The following TRMO variants were observed in gnomAD, a reference collection of about 807,000 sequenced individuals.
The protein encoded by TRMO is tRNA (adenine(37)-N6)-methyltransferase.
In TRMO, 30 loss-of-function variants were observed where a neutral mutation model predicts 37.2. The observed-to-expected ratio is 0.81, with a 90% confidence interval of 0.60 to 1.09. The LOEUF is 1.09. TRMO is among the 50% of genes least tolerant of loss of function. The pLI is 0.00. For missense variants in TRMO, 552 were observed against 549.5 expected (o/e 1.00, Z -0.05); for synonymous variants, 239 against 199.4 (o/e 1.20, Z -1.67).
At chr9:97,915,137 T>C (rs1162898226) in intron 2 of TRMO, among the ~76,000 whole-genome samples, 1 of 152,238 alleles carries the variant, frequency 6.6e-6, no homozygotes, top group African/African-American at 2.4e-5. Flanking sequence ...CGATTCAGAC[T>C]GCTGATGCTG....
chr9:97,917,712 T>G (rs1400795627), intron 1 of TRMO, among the ~76,000 whole-genome samples: 1 of 152,186 alleles, frequency 6.6e-6, no homozygotes, highest in African/African-American at 2.4e-5. Flanking sequence ...AGAGTCTTGC[T>G]CTGTTGCCCA....
chr9:97,922,158 C>T (rs942930820), intron 1 of TRMO, among the ~76,000 whole-genome samples: 3 of 152,178 alleles, frequency 2.0e-5, no homozygotes, highest in African/African-American at 7.2e-5. Flanking sequence ...CTACGCTGCA[C>T]GTAGCTGCTC....
chr9:97,909,616 A>G (rs922019039), intron 4 of TRMO, among the ~76,000 whole-genome samples: 3 of 152,228 alleles, frequency 2.0e-5, no homozygotes, highest in Non-Finnish European at 2.9e-5. Context: ...CTTTATGTAC[A>G]TAAGTATAGA....
chr9:97,917,734 A>T (rs1223219167), intron 1 of TRMO, among the ~76,000 whole-genome samples: 1 of 151,986 alleles, frequency 6.6e-6, no homozygotes, highest in Non-Finnish European at 1.5e-5. Flanking sequence ...ACTGGAGTGC[A>T]GTGGCACAAT....
chr9:97,901,581 C>T (rs1023456854), downstream of TRMO, among the ~76,000 whole-genome samples: 2 of 151,918 alleles, frequency 1.3e-5, no homozygotes, highest in Non-Finnish European at 2.9e-5. Flanking sequence ...CGTGTGTGTA[C>T]ATGCACGCAC....
chr9:97,913,214 G>C, intron 3 of TRMO, 187 bp downstream of exon 3: 2 of 470,258 alleles, frequency 4.3e-6, no homozygotes, highest in East Asian at 3.5e-5. Context: ...AGCATCCTAT[G>C]AGTTTATTTC....
chr9:97,910,837 C>T (rs755588295), intron 3 of TRMO: 3 of 609,096 alleles, frequency 4.9e-6, no homozygotes, highest in Non-Finnish European at 8.8e-6. Context: ...CTCAAAAGCA[C>T]ACCTTTTACA....
chr9:97,909,547 C>T (rs1389377759), intron 4 of TRMO, among the ~76,000 whole-genome samples: 1 of 152,166 alleles, frequency 6.6e-6, no homozygotes. Context: ...TATCGACTAC[C>T]TGACAGTCAG....
At chr9:97,904,459 C>T, downstream of TRMO, 2 of 1,214,592 alleles carry the variant, frequency 1.6e-6, no homozygotes, top group Non-Finnish European at 2.1e-6. Flanking sequence ...GCACCAAGAA[C>T]AGCTTCTTTC....
At chr9:97,922,110 C>T (rs1164169484) in intron 1 of TRMO, among the ~76,000 whole-genome samples, 1 of 152,182 alleles carries the variant, frequency 6.6e-6, no homozygotes, top group Non-Finnish European at 1.5e-5. Flanking sequence ...CACCATCTCC[C>T]ATACGCTATG....
intron 1 of TRMO, among the ~76,000 whole-genome samples, chr9:97,921,276 C>G (rs971641231): frequency 1.3e-5 from 2 of 152,202 alleles, no homozygotes; most frequent in African/African-American, 2.4e-5. Context: ...AAGCGTTAGG[C>G]TGGTTGCAGT....
chr9:97,916,385 C>A, intron 1 of TRMO, 47 bp from the exon 2 acceptor site: 3 of 1,401,594 alleles, frequency 2.1e-6, no homozygotes, highest in Non-Finnish European at 3.0e-6. Flanking sequence ...AAGGTCAAAC[C>A]AAGTTGTAAG....
intron 1 of TRMO, among the ~76,000 whole-genome samples, chr9:97,919,589 G>T (rs1826532602): frequency 6.6e-6 from 1 of 152,190 alleles, no homozygotes; most frequent in African/African-American, 2.4e-5. Flanking sequence ...ATCACACCAT[G>T]CTTCAATATC....
chr9:97,910,081 T>C lies in TRMO; in HGVS notation c.945A>G (p.Gly315=). 1 of 1,613,780 alleles carries C rather than the reference T, an allele frequency of 6.2e-7. No individual in the cohort carries two copies. Among genetic ancestry groups the C allele is most frequent in the Non-Finnish European group, 8.5e-7 (1 of 1,179,722 alleles). The change falls in exon 4 of 5, where the codon GGA becomes GGG. Residue 315 remains glycine, a synonymous_variant. Transcript: ENST00000375119. ...TQPMAPHCPA[G]RADGAPRSVV... ...CGCTGCGGGGAGCTCCATCAGCCCT[T>C]CCAGCAGGGCAGTGAGGGGCCATGG...
chr9:97,898,621 C>A, the TRMO span, among the ~76,000 whole-genome samples: 1 of 152,030 alleles, frequency 6.6e-6, no homozygotes, highest in African/African-American at 2.4e-5. Context: ...CTCCTGGCCT[C>A]AAACGATCTG....
chr9:97,910,843 T>C, intron 3 of TRMO: 1 of 602,584 alleles, frequency 1.7e-6, no homozygotes, highest in Non-Finnish European at 3.0e-6. Flanking sequence ...AGCACACCTT[T>C]TACAAAGCCT....
the TRMO span, among the ~76,000 whole-genome samples, chr9:97,898,456 C>G: frequency 6.6e-6 from 1 of 152,134 alleles, no homozygotes. Flanking sequence ...CTCAGCCCCC[C>G]ACCCCACTGA....
Position 97,904,657 on chromosome 9 carries a change from C to A in TRMO, c.*76G>T, listed in dbSNP as rs773079107. On this transcript the variant is annotated 3_prime_UTR_variant, in exon 5 of 5. Coordinates refer to ENST00000375119, the MANE Select transcript of TRMO (RefSeq NM_016481.5). ...CACAAAGTGTTGCTTCTCGACACAA[C>A]ATTAGCTTGTTCAGAAAATCCAAAA... The A allele has an allele frequency of 1.3e-6, 2 of 1,582,738 alleles. No individual in the cohort carries two copies. Among genetic ancestry groups the A allele is most frequent in the Non-Finnish European group, 1.7e-6 (2 of 1,165,200 alleles).
chr9:97,901,091 G>A (rs531184840), downstream of TRMO, among the ~76,000 whole-genome samples: 14 of 152,334 alleles, frequency 9.2e-5, no homozygotes, highest in African/African-American at 2.9e-4. Flanking sequence ...GCTGGGGCAG[G>A]TGGGCCAAAC....
Sources: allele counts gnomAD v4.1 joint callset (sites outside exome capture counted in the v4.1 genomes callset), GRCh38; gene constraint gnomAD v4.1.1; transcripts MANE v1.5; gene names NCBI Gene and HGNC (gene_info 2026-07-23, HGNC 2026-07-21).